Variants in ALDH1B1 observed in about 807,000 individuals in gnomAD.
ALDH1B1 encodes the protein aldehyde dehydrogenase 1 family member B1.
In ALDH1B1, 19 loss-of-function variants were observed where a neutral mutation model predicts 26.2. The ratio of observed to expected loss-of-function variants is 0.72; its 90% CI spans 0.51 to 1.06. ALDH1B1 has a LOEUF of 1.06. Ranked by LOEUF, ALDH1B1 falls within the 50% of genes least tolerant of loss-of-function variation. The probability of loss-of-function intolerance (pLI) is 0.00; values close to 1 mark genes in which losing one functional copy is unlikely to be tolerated. For synonymous variants in ALDH1B1, 249 were observed against 286.0 expected (o/e 0.87, Z 1.31); for missense variants, 671 against 683.1 (o/e 0.98, Z 0.20).
chr9:38,395,616 CTG>C (rs1022302583), intron 1 of ALDH1B1, 122 bp from the exon 2 acceptor site: 7 of 1,348,756 alleles, frequency 5.2e-6, no homozygotes, highest in Non-Finnish European at 6.9e-6. Flanking sequence ...CTCTTACAGT[CTG>C]TGTTTTTAGA....
chr9:38,396,651 G>A lies in ALDH1B1; in HGVS notation c.903G>A (p.Glu301=). ...TCGTGCTGGCCGATGCTGACATGGA[G>A]CATGCCGTGGAGCAGTGCCACGAAG... The part of the protein sequence containing the change: ...PSIVLADADM[E]HAVEQCHEAL... Residue 301 remains glutamate (E), a synonymous_variant, in exon 2 of 2, where the codon GAG becomes GAA. Coordinates refer to ENST00000377698, the MANE Select transcript of ALDH1B1 (RefSeq NM_000692.5). 6.2e-7 allele frequency: 1 copy of A among 1,614,168 alleles called. No homozygotes were observed. Among genetic ancestry groups the A allele is most frequent in the Admixed American group, 1.7e-5 (1 of 60,030 alleles).
At chr9:38,393,661 G>A (rs955432586) in intron 1 of ALDH1B1, among the ~76,000 whole-genome samples, 1 of 152,086 alleles carries the variant, frequency 6.6e-6, no homozygotes, top group Non-Finnish European at 1.5e-5. Flanking sequence ...CCTGTTGGTG[G>A]CAAGGGGGCT....
chr9:38,396,745 A>G lies in ALDH1B1; in HGVS notation c.997A>G (p.Asn333Asp). 6.2e-7 allele frequency: 1 copy of G among 1,614,154 alleles called. No homozygotes were observed. Among genetic ancestry groups the G allele is most frequent in the East Asian group, 2.2e-5 (1 of 44,878 alleles). Residue 333 changes from asparagine (N) to aspartate (D), a missense_variant, in exon 2 of 2, where the codon AAT becomes GAT. Asn to Asp is a conservative substitution (Grantham distance 23). Transcript: ENST00000377698. ...SRTFVEESIY[N>D]EFLERTVEKA... ...GACCTTCGTGGAAGAATCCATCTAC[A>G]ATGAGTTTCTCGAGAGAACCGTGGA...
rs3043 is a variant in ALDH1B1, at chr9:38,397,358, G to C, written c.*56G>C. The C allele has an allele frequency of 0.73, 1,112,634 of 1,529,284 alleles. 406,250 individuals carry two copies. Among genetic ancestry groups the C allele is most frequent in the South Asian group, 0.81 (62,623 of 77,448 alleles). 94.7% of individuals were successfully genotyped at this position (1,529,284 alleles called of 1,614,324 possible). The stretch of plus-strand genomic sequence containing the variant: ...CCAGCAATTCCACAACCACCTTGAC[G>C]AATGCTTGCCAAGCTGTTTTAAAGC... On this transcript the variant is annotated 3_prime_UTR_variant, in exon 2 of 2. Coordinates refer to ENST00000377698, the MANE Select transcript of ALDH1B1 (RefSeq NM_000692.5).
Position 38,396,573 on chromosome 9 carries a change from C to T in ALDH1B1, c.825C>T (p.Gly275=), listed in dbSNP as rs760704906. The T allele has an allele frequency of 8.7e-6, 14 of 1,613,812 alleles. No individual in the cohort carries two copies. Among genetic ancestry groups the T allele is most frequent in the East Asian group, 2.2e-5 (1 of 44,876 alleles). ...EVGHLIQKAA[G]DSNLKRVTLE... ...GCCACCTGATCCAGAAAGCAGCTGG[C>T]GATTCCAACCTCAAGAGAGTCACCC... Residue 275 remains glycine, a synonymous_variant, in exon 2 of 2, where the codon GGC becomes GGT. Transcript: ENST00000377698.
At chr9:38,392,956 C>A in intron 1 of ALDH1B1, 149 bp downstream of exon 1, 7 of 963,712 alleles carry the variant, frequency 7.3e-6, no homozygotes, top group Non-Finnish European at 8.6e-6. Context: ...GTCCCCTAAT[C>A]CCATCCCCCG....
In ALDH1B1 at chr9:38,394,483, G is replaced by A. The variant is rs181905232; in HGVS notation, c.-9-1257G>A. 48 of 540,510 alleles carry A rather than the reference G, an allele frequency of 8.9e-5. No homozygotes were observed. The Admixed American group carries it at 2.5e-3, about 28-fold the overall frequency. 33.5% of individuals were successfully genotyped at this position (540,510 alleles called of 1,614,324 possible). On this transcript the variant is annotated intron_variant, in intron 1 of 1. Coordinates refer to ENST00000377698, the MANE Select transcript of ALDH1B1 (RefSeq NM_000692.5). ...TATTTTTGTTTTTTTGTAGAGACAC[G>A]GTTCTTGCTATGTGCTCAGGCTGGT... is the stretch of plus-strand genomic sequence containing the variant.
chr9:38,394,511 CAA>C, intron 1 of ALDH1B1: 2 of 840,780 alleles, frequency 2.4e-6, no homozygotes, highest in South Asian at 1.1e-4. Context: ...AGGCTGGTCT[CAA>C]ACTCCTGGCC....
rs748140290 is a variant in ALDH1B1 at position 38,396,756 on chromosome 9, C to T, written c.1008C>T (p.Leu336=). 33 of 1,614,022 alleles carry T rather than the reference C, an allele frequency of 2.0e-5. No individual in the cohort carries two copies. The highest frequency in any genetic ancestry group is 6.7e-5 in the East Asian group (3 of 44,876). ...AAGAATCCATCTACAATGAGTTTCT[C>T]GAGAGAACCGTGGAGAAAGCAAAGC... The part of the protein sequence containing the change: ...FVEESIYNEF[L]ERTVEKAKQR... Residue 336 remains leucine (L), a synonymous_variant, in exon 2 of 2, where the codon CTC becomes CTT. Coordinates refer to ENST00000377698, the MANE Select transcript of ALDH1B1 (RefSeq NM_000692.5).
In ALDH1B1 at chr9:38,395,679, T is replaced by G. The variant is rs1248256879; in HGVS notation, c.-9-61T>G. The G allele has an allele frequency of 3.3e-6, 5 of 1,514,226 alleles. No homozygotes were observed. The East Asian group carries it at 1.1e-4, about 34-fold the overall frequency. 93.8% of individuals were successfully genotyped at this position (1,514,226 alleles called of 1,614,324 possible). A position where few individuals can be genotyped will look rare whatever the true frequency, so the allele number is the denominator to read the frequency against. Reference sequence around the variant, plus strand: ...TTGAAATGTTTGAGCTGGTGGGCCCTTGGGTACCGCCACCTGCCTTCTCCC... The same window carrying G: ...TTGAAATGTTTGAGCTGGTGGGCCCGTGGGTACCGCCACCTGCCTTCTCCC... On this transcript the variant is annotated intron_variant, in intron 1 of 1. Transcript: ENST00000377698.
chr9:38,395,692 C>G (rs1291387673), intron 1 of ALDH1B1, 48 bp from the exon 2 acceptor site: 2 of 1,519,694 alleles, frequency 1.3e-6, no homozygotes, highest in Non-Finnish European at 1.8e-6. Context: ...GGTACCGCCA[C>G]CTGCCTTCTC....
Position 38,396,339 on chromosome 9 carries a change from C to T in ALDH1B1, c.591C>T (p.Ala197=). Residue 197 remains alanine (A), a synonymous_variant, in exon 2 of 2, where the codon GCC becomes GCT. Coordinates refer to ENST00000377698, the MANE Select transcript of ALDH1B1 (RefSeq NM_000692.5). ...TGGTCATGCAGGGTTGGAAACTTGC[C>T]CCGGCACTCGCCACAGGCAACACTG... The part of the protein sequence containing the change: ...FPLVMQGWKL[A]PALATGNTVV... 4.3e-6 allele frequency: 7 copies of T among 1,614,152 alleles called. No homozygotes were observed. Among genetic ancestry groups the T allele is most frequent in the Non-Finnish European group, 5.9e-6 (7 of 1,180,020 alleles).
At chr9:38,393,822 C>A (rs1563913859) in intron 1 of ALDH1B1, among the ~76,000 whole-genome samples, 1 of 144,712 alleles carries the variant, frequency 6.9e-6, no homozygotes, top group Admixed American at 6.9e-5. Context: ...AGTATCCCCC[C>A]CTTTTTTTTT....
intron 1 of ALDH1B1, among the ~76,000 whole-genome samples, chr9:38,395,264 C>T (rs1023538636): frequency 6.6e-6 from 1 of 152,142 alleles, no homozygotes; most frequent in East Asian, 1.9e-4. Context: ...TGTGTTGAGC[C>T]GCTGCTCTGT....
chr9:38,396,574 G>A lies in ALDH1B1; in HGVS notation c.826G>A (p.Asp276Asn), dbSNP rs149965590. 342 of 1,613,938 alleles carry A rather than the reference G, an allele frequency of 2.1e-4. No individual in the cohort carries two copies. In the Middle Eastern group the frequency reaches 2.1e-3, roughly 10 times the overall value. Residue 276 changes from aspartate (D) to asparagine (N), a missense_variant, in exon 2 of 2, where the codon GAT becomes AAT. Asp to Asn is a conservative substitution (Grantham distance 23). Coordinates refer to ENST00000377698, the MANE Select transcript of ALDH1B1 (RefSeq NM_000692.5). Reference protein sequence around the residue: ...VGHLIQKAAGDSNLKRVTLEL... With the variant: ...VGHLIQKAAGNSNLKRVTLEL... ...CCACCTGATCCAGAAAGCAGCTGGC[G>A]ATTCCAACCTCAAGAGAGTCACCCT...
chr9:38,392,919 G>C, intron 1 of ALDH1B1, 112 bp downstream of exon 1: 1 of 985,056 alleles, frequency 1.0e-6, no homozygotes. Context: ...TGGCCTTTCC[G>C]CCGTTGCACT....
At position 38,397,923 on chromosome 9, in the gene ALDH1B1, C is replaced by G. The variant is rs1821323134; in HGVS notation, c.*621C>G. The G allele has an allele frequency of 6.0e-6, 1 of 167,102 alleles. No individual in the cohort carries two copies. The highest frequency in any genetic ancestry group is 2.1e-4 in the South Asian group (1 of 4,834). The allele number at this position is 167,102 out of a possible 1,614,324, so 10.4% of individuals were successfully genotyped here. On this transcript the variant is annotated 3_prime_UTR_variant, in exon 2 of 2. Transcript: ENST00000377698. Reference sequence around the variant, plus strand: ...CCCAAACATCCCAAATGTCCGTCAACTGATGAGTGGATTAATAAAATGTTT... The same window carrying G: ...CCCAAACATCCCAAATGTCCGTCAAGTGATGAGTGGATTAATAAAATGTTT...
intron 1 of ALDH1B1, among the ~76,000 whole-genome samples, chr9:38,395,504 C>T: frequency 6.6e-6 from 1 of 152,112 alleles, no homozygotes; most frequent in Admixed American, 6.5e-5. Context: ...GAAGGCCTTG[C>T]TGAGACAGTG....
At chr9:38,393,261 G>A (rs1356205002) in intron 1 of ALDH1B1, among the ~76,000 whole-genome samples, 1 of 152,210 alleles carries the variant, frequency 6.6e-6, no homozygotes, top group Non-Finnish European at 1.5e-5. Context: ...GAAGTCTGGG[G>A]TGAGGCTCCT....
Sources: allele counts gnomAD v4.1 joint callset (sites outside exome capture counted in the v4.1 genomes callset), GRCh38; gene constraint gnomAD v4.1.1; transcripts MANE v1.5; gene names NCBI Gene and HGNC (gene_info 2026-07-23, HGNC 2026-07-21).